TEAD1: variants seen among roughly 807,000 people sequenced by gnomAD.
The protein encoded by TEAD1 is TEA domain transcription factor 1.
A neutral mutation model predicts 54.9 loss-of-function variants in TEAD1; 9 were observed. The observed-to-expected ratio is 0.16, with a 90% CI of 0.10 to 0.29. The LOEUF (loss-of-function observed/expected upper bound fraction) is 0.29, where lower values mean the gene tolerates loss of function less well. Among genes scored for constraint, TEAD1 ranks in the 10% least tolerant of loss-of-function variants. The probability of loss-of-function intolerance (pLI) is 1.00; values close to 1 mark genes in which losing one functional copy is unlikely to be tolerated. For missense variants in TEAD1, 387 were observed against 535.9 expected (o/e 0.72, Z 2.74); for synonymous variants, 200 against 187.8 (o/e 1.07, Z -0.53).
At chr11:12,769,785 A>G (rs975755969) in intron 3 of TEAD1, among the ~76,000 whole-genome samples, 1 of 152,234 alleles carries the variant, frequency 6.6e-6, no homozygotes, top group Non-Finnish European at 1.5e-5. Flanking sequence ...GCTATGTGGT[A>G]GAACAGGCTA....
intron 2 of TEAD1, among the ~76,000 whole-genome samples, chr11:12,680,434 C>G (rs767167828): frequency 6.6e-6 from 1 of 152,304 alleles, no homozygotes; most frequent in East Asian, 1.9e-4. Context: ...AATTCACTTC[C>G]GTGGTGGTGA....
chr11:12,776,955 C>T (rs142211927), intron 3 of TEAD1, among the ~76,000 whole-genome samples: 388 of 151,908 alleles, frequency 2.6e-3, no homozygotes, highest in African/African-American at 8.9e-3. Context: ...CCACCATGCT[C>T]GGCTAATTTT....
intron 3 of TEAD1, among the ~76,000 whole-genome samples, chr11:12,813,792 G>A (rs1036009687): frequency 6.6e-5 from 10 of 152,136 alleles, no homozygotes; most frequent in African/African-American, 1.2e-4. Flanking sequence ...AGGGGGTGGC[G>A]TGCTGAACTG....
At chr11:12,748,575 A>G (rs1244134198) in intron 2 of TEAD1, among the ~76,000 whole-genome samples, 2 of 152,186 alleles carry the variant, frequency 1.3e-5, no homozygotes, top group Admixed American at 1.3e-4. Context: ...CATTTTAGGA[A>G]AACCTTTCTG....
At chr11:12,772,944 C>T (rs1009060964) in intron 3 of TEAD1, among the ~76,000 whole-genome samples, 1 of 152,028 alleles carries the variant, frequency 6.6e-6, no homozygotes, top group Non-Finnish European at 1.5e-5. Flanking sequence ...GGTTGCCCTT[C>T]TCCCTAACTG....
At chr11:12,697,323 A>G (rs78722968) in intron 2 of TEAD1, among the ~76,000 whole-genome samples, 4,178 of 152,302 alleles carry the variant, frequency 0.027, 175 homozygotes, top group African/African-American at 0.096. Context: ...AATGGATTAT[A>G]TAGCAAATGC....
At chr11:12,793,807 A>G (rs1033341367) in intron 3 of TEAD1, among the ~76,000 whole-genome samples, 24 of 152,176 alleles carry the variant, frequency 1.6e-4, no homozygotes, top group African/African-American at 5.8e-4. Context: ...ATTGGTGGGG[A>G]TCTCACTGAG....
chr11:12,769,359 C>G (rs1945271820), intron 3 of TEAD1, among the ~76,000 whole-genome samples: 1 of 151,998 alleles, frequency 6.6e-6, no homozygotes, highest in Non-Finnish European at 1.5e-5. Context: ...GGAAAGAGGG[C>G]TTTTTAAATG....
intron 10 of TEAD1, among the ~76,000 whole-genome samples, chr11:12,919,778 G>A (rs1948771658): frequency 6.6e-6 from 1 of 152,180 alleles, no homozygotes; most frequent in African/African-American, 2.4e-5. Flanking sequence ...GGGATTATAG[G>A]TGTGAGCTGA....
chr11:12,919,846 T>C (rs142621134), intron 10 of TEAD1, among the ~76,000 whole-genome samples: 1 of 152,332 alleles, frequency 6.6e-6, no homozygotes, highest in East Asian at 1.9e-4. Flanking sequence ...ATTTTATATA[T>C]AGAACATCTA....
In TEAD1 at chr11:12,941,884, G is replaced by A. The variant is rs1229510381; in HGVS notation, c.*4662G>A. On this transcript the variant is annotated 3_prime_UTR_variant, in exon 13 of 13. Coordinates refer to ENST00000527636, the MANE Select transcript of TEAD1 (RefSeq NM_021961.6). ...AAGTGTTCCCGTAAGCAGTGCCTTA[G>A]TAATACCTTAGTCATGCCGCCAGCC... 1 of 152,590 alleles carries A rather than the reference G, an allele frequency of 6.6e-6. No homozygotes were observed. Among genetic ancestry groups the A allele is most frequent in the African/African-American group, 2.4e-5 (1 of 41,448 alleles). The allele number at this position is 152,590 out of a possible 1,614,324, so 9.5% of individuals were successfully genotyped here.
intron 3 of TEAD1, among the ~76,000 whole-genome samples, chr11:12,807,507 T>A (rs1946200079): frequency 6.6e-6 from 1 of 152,228 alleles, no homozygotes; most frequent in Non-Finnish European, 1.5e-5. Flanking sequence ...GTTTCAGTTT[T>A]CTCATCAGTA....
intron 3 of TEAD1, among the ~76,000 whole-genome samples, chr11:12,841,202 C>T (rs1947032847): frequency 6.6e-6 from 1 of 152,224 alleles, no homozygotes; most frequent in Admixed American, 6.5e-5. Flanking sequence ...GGCTCTGCCT[C>T]TTTTCCTACC....
At chr11:12,915,575 T>C (rs1182412118) in intron 10 of TEAD1, among the ~76,000 whole-genome samples, 2 of 152,224 alleles carry the variant, frequency 1.3e-5, no homozygotes, top group Non-Finnish European at 2.9e-5. Flanking sequence ...TGGCTGGGCA[T>C]GGTGGCCCAC....
At chr11:12,878,812 T>TG in intron 5 of TEAD1, 2 of 772,286 alleles carry the variant, frequency 2.6e-6, no homozygotes, top group Middle Eastern at 3.5e-4. Flanking sequence ...TATATATATG[T>TG]TTTTTTTTTA....
chr11:12,818,357 GTT>G (rs1293879194), intron 3 of TEAD1, among the ~76,000 whole-genome samples: 13 of 152,098 alleles, frequency 8.5e-5, no homozygotes, highest in African/African-American at 2.9e-4. Flanking sequence ...TTTATAAAGA[GTT>G]TATAAATATG....
At chr11:12,932,002 G>A (rs186998017) in intron 12 of TEAD1, among the ~76,000 whole-genome samples, 11 of 152,310 alleles carry the variant, frequency 7.2e-5, no homozygotes, top group African/African-American at 2.6e-4. Flanking sequence ...TGAGCCGCAA[G>A]GACTCTCAGA....
At chr11:12,901,075 C>G (rs1221951111) in intron 9 of TEAD1, among the ~76,000 whole-genome samples, 1 of 152,116 alleles carries the variant, frequency 6.6e-6, no homozygotes, top group Non-Finnish European at 1.5e-5. Context: ...CTCAGGGATT[C>G]CAGTTTAATC....
At chr11:12,730,257 G>C (rs951908769) in intron 2 of TEAD1, among the ~76,000 whole-genome samples, 1 of 152,100 alleles carries the variant, frequency 6.6e-6, no homozygotes, top group Non-Finnish European at 1.5e-5. Flanking sequence ...CCCAGGCTTT[G>C]TCTTGAATTG....
Sources: allele counts gnomAD v4.1 joint callset (sites outside exome capture counted in the v4.1 genomes callset), GRCh38; gene constraint gnomAD v4.1.1; transcripts MANE v1.5; gene names NCBI Gene and HGNC (gene_info 2026-07-23, HGNC 2026-07-21).